The following BLTP2 variants were observed in gnomAD, a reference collection of about 807,000 sequenced individuals.
BLTP2 encodes bridge-like lipid transfer protein family member 2.
chr17:28,624,018 G>T, the BLTP2 span: 1 of 1,544,178 alleles, frequency 6.5e-7, no homozygotes, highest in South Asian at 1.1e-5. Context: ...TGAGGTTAGT[G>T]AGCACATTGT....
the BLTP2 span, chr17:28,643,146 CAG>C: frequency 1.9e-6 from 3 of 1,614,148 alleles, no homozygotes; most frequent in Non-Finnish European, 2.5e-6. Flanking sequence ...TCCAGGATAG[CAG>C]GAGAAGTTGT....
the BLTP2 span, chr17:28,643,576 T>C: frequency 6.3e-7 from 1 of 1,599,366 alleles, no homozygotes; most frequent in Non-Finnish European, 8.6e-7. Context: ...CAAAGTACTC[T>C]TCTAGGGGAG....
At chr17:28,645,089 C>G in the BLTP2 span, 1 of 1,564,682 alleles carries the variant, frequency 6.4e-7, no homozygotes, top group Non-Finnish European at 8.7e-7. Context: ...TTGGCCCCGG[C>G]CCCCGCCATG....
chr17:28,624,494 A>G, the BLTP2 span: 1 of 1,024,124 alleles, frequency 9.8e-7, no homozygotes, highest in South Asian at 1.7e-5. Context: ...TGGCTAGGTA[A>G]GAGCTTAGAA....
At chr17:28,624,084 T>G in the BLTP2 span, 1 of 1,365,304 alleles carries the variant, frequency 7.3e-7, no homozygotes, top group Non-Finnish European at 1.0e-6. Context: ...TTACTGGCTT[T>G]TAGACATAGA....
the BLTP2 span, among the ~76,000 whole-genome samples, chr17:28,618,549 G>A: frequency 6.6e-6 from 1 of 151,806 alleles, no homozygotes; most frequent in Non-Finnish European, 1.5e-5. Context: ...TTATTTCTTT[G>A]TTCATTCTTA....
the BLTP2 span, chr17:28,635,155 G>T: frequency 1.2e-6 from 2 of 1,613,956 alleles, no homozygotes; most frequent in Non-Finnish European, 1.7e-6. Flanking sequence ...GTTCCGGAGG[G>T]TCTGCAGCGC....
chr17:28,623,743 C>T, the BLTP2 span: 1 of 1,611,332 alleles, frequency 6.2e-7, no homozygotes, highest in Non-Finnish European at 8.5e-7. Flanking sequence ...TGGGCCTTCA[C>T]AAACTCACTG....
the BLTP2 span, among the ~76,000 whole-genome samples, chr17:28,622,931 C>T: frequency 2.0e-5 from 3 of 151,908 alleles, no homozygotes; most frequent in Non-Finnish European, 4.4e-5. Flanking sequence ...AAAAATTAGC[C>T]GGGCATGGTG....
At chr17:28,615,932 C>G in the BLTP2 span, 1 of 1,107,828 alleles carries the variant, frequency 9.0e-7, no homozygotes, top group Non-Finnish European at 1.3e-6. Context: ...CCCCTTACCT[C>G]AGCCTCGTAA....
At chr17:28,636,908 A>G in the BLTP2 span, 1 of 1,361,440 alleles carries the variant, frequency 7.3e-7, no homozygotes, top group Non-Finnish European at 1.0e-6. Context: ...AAGACAGAGA[A>G]AGGCTCTAAG....
the BLTP2 span, chr17:28,620,717 C>G: frequency 7.0e-7 from 1 of 1,437,702 alleles, no homozygotes; most frequent in Non-Finnish European, 9.6e-7. Flanking sequence ...GGAACCACCC[C>G]ACTAGTCAAC....
the BLTP2 span, chr17:28,621,400 T>G: frequency 6.2e-7 from 1 of 1,612,976 alleles, no homozygotes; most frequent in Non-Finnish European, 8.5e-7. Context: ...AGGGCTGACC[T>G]GTGGTTGTGG....
chr17:28,638,041 A>G, the BLTP2 span: 1 of 1,614,220 alleles, frequency 6.2e-7, no homozygotes. Flanking sequence ...TACAATCAAG[A>G]AAAAGGGTAT....
At chr17:28,634,476 G>A in the BLTP2 span, 38 of 1,569,122 alleles carry the variant, frequency 2.4e-5, no homozygotes, top group Admixed American at 1.1e-4. Context: ...AGAGCTCAGC[G>A]GGCAAACACG....
the BLTP2 span, chr17:28,631,503 C>A: frequency 6.2e-7 from 1 of 1,614,008 alleles, no homozygotes; most frequent in Non-Finnish European, 8.5e-7. Flanking sequence ...GATTGCTATG[C>A]CGTTGGTAGG....
chr17:28,635,705 C>G, the BLTP2 span: 1 of 1,266,484 alleles, frequency 7.9e-7, no homozygotes, highest in Non-Finnish European at 1.1e-6. Flanking sequence ...GCTCAAGAAC[C>G]ATCTCCACCC....
chr17:28,638,944 A>G, the BLTP2 span: 219 of 422,042 alleles, frequency 5.2e-4, no homozygotes, highest in Non-Finnish European at 8.6e-4. Context: ...AAGAAGCATC[A>G]CTTCTAAACC....
the BLTP2 span, chr17:28,632,349 G>T: frequency 2.3e-6 from 2 of 852,428 alleles, no homozygotes; most frequent in South Asian, 1.8e-5. Context: ...AATCCAAACA[G>T]CACCTAGCCT....
Sources: gnomAD v4.1 joint callset for allele counts (sites outside exome capture counted in the v4.1 genomes callset) on GRCh38, gnomAD v4.1.1 for gene constraint, MANE v1.5 for transcripts, NCBI Gene and HGNC (gene_info 2026-07-23, HGNC 2026-07-21) for gene names.